The following MTCL1 variants were observed in gnomAD, a reference collection of about 807,000 sequenced individuals.
MTCL1 encodes microtubule crosslinking factor 1.
In MTCL1, 79 loss-of-function variants were observed where a neutral mutation model predicts 141.4. That is an observed-to-expected ratio of 0.56 (90% CI 0.47 to 0.67). MTCL1 has a LOEUF of 0.67. Among genes scored for constraint, MTCL1 ranks in the 30% least tolerant of loss-of-function variants. The pLI, the probability that MTCL1 is intolerant of heterozygous loss-of-function variation, is 0.00. For missense variants in MTCL1, 2,177 were observed against 2,113.9 expected, an observed-to-expected ratio of 1.03 and a Z score of -0.59; for synonymous variants, 914 against 875.8, an observed-to-expected ratio of 1.04 and a Z score of -0.77.
chr18:8,766,071 G>A (rs980255443), intron 4 of MTCL1, among the ~76,000 whole-genome samples: 1 of 151,850 alleles, frequency 6.6e-6, no homozygotes, highest in African/African-American at 2.4e-5. Flanking sequence ...TGCAGATAAA[G>A]ATCCAACAAC....
At chr18:8,742,617 C>T (rs1349372490) in intron 4 of MTCL1, among the ~76,000 whole-genome samples, 3 of 152,192 alleles carry the variant, frequency 2.0e-5, no homozygotes, top group Admixed American at 6.5e-5. Context: ...CTGGTCCCAC[C>T]CTTGACACGT....
At chr18:8,766,226 C>G (rs748892279) in intron 4 of MTCL1, among the ~76,000 whole-genome samples, 1 of 152,244 alleles carries the variant, frequency 6.6e-6, no homozygotes, top group Non-Finnish European at 1.5e-5. Context: ...GCCTGCGTTT[C>G]AGCAGGGTGT....
At chr18:8,792,334 A>G (rs1340736070) in intron 7 of MTCL1, among the ~76,000 whole-genome samples, 1 of 152,238 alleles carries the variant, frequency 6.6e-6, no homozygotes, top group South Asian at 2.1e-4. Flanking sequence ...AATAAAAATC[A>G]TGATACAGAT....
intron 4 of MTCL1, among the ~76,000 whole-genome samples, chr18:8,761,806 C>T (rs2096434035): frequency 6.6e-6 from 1 of 152,182 alleles, no homozygotes; most frequent in South Asian, 2.1e-4. Context: ...ATCACGAGAA[C>T]AGCACAGGAA....
chr18:8,736,622 T>C (rs1002863239), intron 4 of MTCL1, among the ~76,000 whole-genome samples: 1 of 149,398 alleles, frequency 6.7e-6, no homozygotes, highest in Non-Finnish European at 1.5e-5. Flanking sequence ...TTGGGGGCCT[T>C]CTATATCCAT....
intron 10 of MTCL1, among the ~76,000 whole-genome samples, chr18:8,798,887 A>T (rs1382060139): frequency 6.6e-6 from 1 of 152,218 alleles, no homozygotes; most frequent in African/African-American, 2.4e-5. Flanking sequence ...TTGCATTTTT[A>T]TACCAAAATG....
At chr18:8,745,608 C>T (rs751853943) in intron 4 of MTCL1, among the ~76,000 whole-genome samples, 1 of 152,156 alleles carries the variant, frequency 6.6e-6, no homozygotes, top group Non-Finnish European at 1.5e-5. Context: ...TGTGAACATG[C>T]GTCACTGTTC....
intron 4 of MTCL1, among the ~76,000 whole-genome samples, chr18:8,766,957 C>G (rs1406222339): frequency 6.6e-6 from 1 of 152,224 alleles, no homozygotes; most frequent in Non-Finnish European, 1.5e-5. Context: ...CAGCCCCTTC[C>G]GCAGCCTCAG....
exon 6 of MTCL1, chr18:8,783,823 A>G: frequency 6.2e-7 from 1 of 1,613,298 alleles, no homozygotes; most frequent in Non-Finnish European, 8.5e-7. Flanking sequence ...GCCTCAAGGC[A>G]GAGATGGAGG....
chr18:8,811,866 C>T (rs4798689), intron 11 of MTCL1, among the ~76,000 whole-genome samples: 53,860 of 152,032 alleles, frequency 0.35, 9,866 homozygotes, highest in East Asian at 0.55. Context: ...TAAGAGATTG[C>T]TTATGAGGAT....
At chr18:8,706,615 C>G (rs1432493855) in exon 1 of MTCL1, 6 of 1,538,556 alleles carry the variant, frequency 3.9e-6, no homozygotes, top group Non-Finnish European at 5.2e-6. Flanking sequence ...CCCCAAGGAG[C>G]CCAGCCTGGG....
chr18:8,711,955 C>T (rs1464628991), intron 1 of MTCL1, among the ~76,000 whole-genome samples: 4 of 152,130 alleles, frequency 2.6e-5, no homozygotes, highest in Admixed American at 6.5e-5. Flanking sequence ...TCAGACAAGC[C>T]GGAGTGCTCG....
intron 4 of MTCL1, among the ~76,000 whole-genome samples, chr18:8,738,258 GTTATTC>G (rs2096283882): frequency 6.6e-6 from 1 of 152,130 alleles, no homozygotes; most frequent in African/African-American, 2.4e-5. Context: ...GGCAGTATTT[GTTATTC>G]TTATTAAGTT....
chr18:8,716,209 C>T (rs1448465365), upstream of MTCL1, among the ~76,000 whole-genome samples: 2 of 152,200 alleles, frequency 1.3e-5, no homozygotes, highest in Non-Finnish European at 2.9e-5. Flanking sequence ...AGAAGAAGAA[C>T]ATTTTATGCA....
In MTCL1 at chr18:8,725,185, G is replaced by A. The variant is rs554783955; in HGVS notation, c.357+4689G>A. Among the ~76,000 whole-genome samples, 25 of 151,982 alleles carry A rather than the reference G, an allele frequency of 1.6e-4. No individual in the cohort carries two copies. The South Asian group carries it at 4.0e-3, about 24-fold the overall frequency. On this transcript the variant is annotated intron_variant, in intron 4 of 16. Coordinates refer to ENST00000359865, the Ensembl canonical transcript of MTCL1. ...TAGCCAGGTTAGCCAGCACTTATACGGGACTATATACATGTTCTAGATCAT... is the reference window on the plus strand; with the variant it reads ...TAGCCAGGTTAGCCAGCACTTATACAGGACTATATACATGTTCTAGATCAT...
Position 8,706,455 on chromosome 18 carries a change from G to GC in MTCL1, c.800dup (p.Ala268SerfsTer86), listed in dbSNP as rs1308286098. On this transcript the variant is annotated frameshift_variant, in exon 1 of 14. Transcript: ENST00000306329. LOFTEE classifies it high-confidence loss of function. ...GAGGAGCGCCGCCGGGCAGCCCCGA[G>GC]CCCCCAGCGCTCCTCGCCGCGCCCC... is the stretch of plus-strand genomic sequence containing the variant. 1 of 1,236,090 alleles carries GC rather than the reference G, an allele frequency of 8.1e-7. No homozygotes were observed. 76.6% of individuals were successfully genotyped at this position (1,236,090 alleles called of 1,614,324 possible).
intron 4 of MTCL1, among the ~76,000 whole-genome samples, chr18:8,752,734 T>C (rs553565700): frequency 2.6e-5 from 4 of 152,332 alleles, no homozygotes; most frequent in Admixed American, 6.5e-5. Context: ...CAGCCACTTA[T>C]CAGATGCTAC....
intron 6 of MTCL1, 55 bp from the exon 6 acceptor site, chr18:8,785,881 T>C: frequency 6.6e-7 from 1 of 1,522,308 alleles, no homozygotes. Context: ...TGTTTGTTTT[T>C]TTGTTTAAAA....
At chr18:8,776,142 A>C (rs2096507326) in intron 4 of MTCL1, among the ~76,000 whole-genome samples, 1 of 152,206 alleles carries the variant, frequency 6.6e-6, no homozygotes, top group Non-Finnish European at 1.5e-5. Context: ...AGCAGACCTC[A>C]GATGAGGCCC....
Sources: gnomAD v4.1 joint callset for allele counts (sites outside exome capture counted in the v4.1 genomes callset) on GRCh38, gnomAD v4.1.1 for gene constraint, MANE v1.5 for transcripts, NCBI Gene and HGNC (gene_info 2026-07-23, HGNC 2026-07-21) for gene names.